Variants in MKLN1 observed in about 807,000 individuals in gnomAD.
MKLN1 encodes muskelin 1.
Under a neutral mutation model 99.0 loss-of-function variants are expected in MKLN1, and 18 were observed. The ratio of observed to expected loss-of-function variants is 0.18; its 90% CI spans 0.13 to 0.27. The LOEUF is 0.27. Ranked by LOEUF, MKLN1 falls within the 10% of genes least tolerant of loss-of-function variation. MKLN1 has a pLI of 1.00. For missense variants in MKLN1, 621 were observed against 875.9 expected, an observed-to-expected ratio of 0.71 and a Z score of 3.67; for synonymous variants, 288 against 293.2, an observed-to-expected ratio of 0.98 and a Z score of 0.18.
At chr7:131,435,973 ATTCTC>A (rs931044019) in intron 9 of MKLN1, among the ~76,000 whole-genome samples, 4 of 151,910 alleles carry the variant, frequency 2.6e-5, no homozygotes, top group Non-Finnish European at 5.9e-5. Context: ...AAGTTCTATT[ATTCTC>A]TTATTAAAAT....
At chr7:131,178,682 T>C (rs1563242578) in intron 2 of MKLN1, among the ~76,000 whole-genome samples, 1 of 152,198 alleles carries the variant, frequency 6.6e-6, no homozygotes, top group African/African-American at 2.4e-5. Flanking sequence ...TTTTGCTTTT[T>C]TCCTTTTTTG....
chr7:131,437,437 G>A (rs1584741778), intron 9 of MKLN1, among the ~76,000 whole-genome samples: 1 of 152,292 alleles, frequency 6.6e-6, no homozygotes, highest in East Asian at 1.9e-4. Context: ...ATGTAATAGA[G>A]AATTGAACTC....
intron 17 of MKLN1, chr7:131,478,957 C>T: frequency 2.2e-6 from 1 of 452,972 alleles, no homozygotes; most frequent in South Asian, 2.6e-5. Flanking sequence ...TTGTATAGCA[C>T]TGCCTTGGAA....
At chr7:131,205,761 T>C (rs1796800662) in intron 3 of MKLN1, among the ~76,000 whole-genome samples, 1 of 152,140 alleles carries the variant, frequency 6.6e-6, no homozygotes, top group African/African-American at 2.4e-5. Flanking sequence ...TGGCTGCTCC[T>C]AGAGGCCTTG....
intron 3 of MKLN1, among the ~76,000 whole-genome samples, chr7:131,258,018 G>C (rs1797681628): frequency 6.6e-6 from 1 of 151,798 alleles, no homozygotes; most frequent in Non-Finnish European, 1.5e-5. Context: ...CTACTTGGGA[G>C]GCTGAGGCAG....
At chr7:131,290,265 A>G (rs536403184) in intron 3 of MKLN1, among the ~76,000 whole-genome samples, 1 of 152,328 alleles carries the variant, frequency 6.6e-6, no homozygotes, top group African/African-American at 2.4e-5. Context: ...AGATCGCACC[A>G]TTGCACTCCA....
At chr7:131,319,284 G>C (rs1190238768) in intron 3 of MKLN1, among the ~76,000 whole-genome samples, 1 of 152,190 alleles carries the variant, frequency 6.6e-6, no homozygotes, top group African/African-American at 2.4e-5. Flanking sequence ...TGCAAGGCTG[G>C]TTCAACATAT....
intron 3 of MKLN1, among the ~76,000 whole-genome samples, chr7:131,211,209 T>C (rs551277139): frequency 3.9e-4 from 59 of 152,308 alleles, no homozygotes; most frequent in Non-Finnish European, 6.9e-4. Context: ...TAAACCCAAT[T>C]GCTCCTATTT....
intron 2 of MKLN1, among the ~76,000 whole-genome samples, chr7:131,146,061 T>C (rs1795811207): frequency 6.6e-6 from 1 of 152,248 alleles, no homozygotes; most frequent in African/African-American, 2.4e-5. Flanking sequence ...TAGCTCATTT[T>C]ACAGATGAGA....
At chr7:131,412,158 C>G (rs561477886) in intron 7 of MKLN1, among the ~76,000 whole-genome samples, 8 of 152,176 alleles carry the variant, frequency 5.3e-5, no homozygotes, top group African/African-American at 1.7e-4. Flanking sequence ...GGTTCCTTAA[C>G]TAGGTGGCAC....
chr7:131,132,621 G>T (rs1037581069), intron 1 of MKLN1, among the ~76,000 whole-genome samples: 4 of 151,932 alleles, frequency 2.6e-5, no homozygotes, highest in African/African-American at 9.7e-5. Context: ...GGTAGATTTG[G>T]GCCAATAAAT....
At chr7:131,432,502 T>A (rs1795553869) in intron 9 of MKLN1, among the ~76,000 whole-genome samples, 1 of 152,116 alleles carries the variant, frequency 6.6e-6, no homozygotes, top group South Asian at 2.1e-4. Context: ...TCAGATTTAT[T>A]ATAGTTAATT....
chr7:131,288,951 C>G (rs1408973591), intron 3 of MKLN1, among the ~76,000 whole-genome samples: 1 of 152,072 alleles, frequency 6.6e-6, no homozygotes, highest in African/African-American at 2.4e-5. Context: ...CCATCAAGTG[C>G]AGGTGGTTAG....
intron 2 of MKLN1, among the ~76,000 whole-genome samples, chr7:131,157,641 G>GT (rs1795988870): frequency 6.6e-6 from 1 of 151,974 alleles, no homozygotes; most frequent in East Asian, 1.9e-4. Context: ...TATCATTATT[G>GT]TTTCTTTCTC....
chr7:131,484,267 C>T (rs1045273468), intron 17 of MKLN1, among the ~76,000 whole-genome samples: 2 of 152,160 alleles, frequency 1.3e-5, no homozygotes, highest in African/African-American at 4.8e-5. Flanking sequence ...CATTGCCCTA[C>T]AACTTAAGCA....
In MKLN1 at chr7:131,399,359, C is replaced by T; in HGVS notation, c.629C>T (p.Thr210Ile). 1.2e-6 allele frequency: 2 copies of T among 1,613,890 alleles called. No individual in the cohort carries two copies. The highest frequency in any genetic ancestry group is 1.7e-6 in the Non-Finnish European group (2 of 1,179,910). ...TKIALEHPML[T>I]DIHDKLVLKG... The stretch of plus-strand genomic sequence containing the variant: ...ATTGCACTGGAACATCCCATGTTAA[C>T]AGATATTCATGACAAGCTGGTGTTG... Residue 210 changes from threonine (T) to isoleucine (I), a missense_variant, in exon 6 of 18, where the codon ACA becomes ATA. This residue lies in a region of MKLN1 where 361 missense variants were observed against 540.8 expected (regional missense o/e 0.67). Transcript: ENST00000352689.
At position 131,399,245 on chromosome 7, in the gene MKLN1, G is replaced by A; in HGVS notation, c.515G>A (p.Arg172His). Reference protein sequence around the residue: ...QPCLNWYSKYREQEAIRLCLK... With the variant: ...QPCLNWYSKYHEQEAIRLCLK... ...ACTTACTCTGTGTTCTAGTAGTACC[G>A]TGAACAGGAAGCTATTCGCCTTTGC... The change falls in exon 6 of 18, where the codon CGT becomes CAT. Residue 172 changes from arginine to histidine, a missense_variant. Transcript: ENST00000352689. 4 of 1,613,278 alleles carry A rather than the reference G, an allele frequency of 2.5e-6. No homozygotes were observed. Among genetic ancestry groups the A allele is most frequent in the South Asian group, 1.1e-5 (1 of 91,056 alleles).
At chr7:131,300,613 A>C (rs1203304230) in intron 3 of MKLN1, among the ~76,000 whole-genome samples, 1 of 150,528 alleles carries the variant, frequency 6.6e-6, no homozygotes, top group African/African-American at 2.4e-5. Context: ...CTTGAACTCC[A>C]GAGAAAGAGA....
At position 131,288,880 on chromosome 7, in the gene MKLN1, G is replaced by C. The variant is rs866332477; in HGVS notation, c.-179+85906G>C. Among the ~76,000 whole-genome samples, 11 of 152,084 alleles carry C rather than the reference G, an allele frequency of 7.2e-5. No individual in the cohort carries two copies. In the South Asian group the frequency reaches 1.7e-3, roughly 23 times the overall value. ...TAGTTTCTGCCCATTTCTAACTGCT[G>C]ACTCTCTCTTTGTATTTCATATTCA... On this transcript the variant is annotated intron_variant, in intron 3 of 7. Coordinates refer to the MKLN1 transcript ENST00000416992.
Sources: gnomAD v4.1 joint callset for allele counts (sites outside exome capture counted in the v4.1 genomes callset) on GRCh38, gnomAD v4.1.1 for gene constraint, gnomAD v4.1.1 regional missense constraint, MANE v1.5 for transcripts, NCBI Gene and HGNC (gene_info 2026-07-23, HGNC 2026-07-21) for gene names.